SRRM1: variants seen among roughly 807,000 people sequenced by gnomAD.
SRRM1 encodes serine and arginine repetitive matrix 1, also known as serine/arginine repetitive matrix protein 1.
Under a neutral mutation model 110.2 loss-of-function variants are expected in SRRM1, and 19 were observed. The ratio of observed to expected loss-of-function variants is 0.17; its 90% CI spans 0.12 to 0.25. The LOEUF (loss-of-function observed/expected upper bound fraction) is 0.25, where lower values mean the gene tolerates loss of function less well. SRRM1 is among the 10% of genes least tolerant of loss of function. SRRM1 has a pLI of 1.00. For synonymous variants in SRRM1, 443 were observed against 414.9 expected (o/e 1.07, Z -0.82); for missense variants, 918 against 1,145.8 (o/e 0.80, Z 2.87).
intron 12 of SRRM1, among the ~76,000 whole-genome samples, chr1:24,665,299 C>T (rs1387253022): frequency 6.6e-6 from 1 of 151,980 alleles, no homozygotes; most frequent in Non-Finnish European, 1.5e-5. Context: ...CGTGGTGGCG[C>T]ATGCCTGTAG....
Position 24,662,643 on chromosome 1 carries a change from T to A in SRRM1, c.1484-17T>A, listed in dbSNP as rs760597677. The stretch of plus-strand genomic sequence containing the variant: ...GCACAAACCTAATGTAATATTTTTT[T>A]AATTTTGTAATTATAGACTCTGGCT... On this transcript the variant is annotated splice_polypyrimidine_tract_variant and intron_variant, in intron 11 of 16. Coordinates refer to ENST00000323848, the MANE Select transcript of SRRM1 (RefSeq NM_005839.4). 37 of 1,609,542 alleles carry A rather than the reference T, an allele frequency of 2.3e-5. No homozygotes were observed. The highest frequency in any genetic ancestry group is 1.3e-4 in the African/African-American group (10 of 74,540).
chr1:24,669,465 C>T lies in SRRM1; in HGVS notation c.2082C>T (p.Ser694=). ...CACGGCCTCGAGCTCCTCAGACCTC[C>T]TCAAGTCCTCCACCCGTTCGAAGAG... The part of the protein sequence containing the change: ...PSPRPRAPQT[S]SSPPPVRRGA... Residue 694 remains serine (S), a synonymous_variant, in exon 14 of 17, where the codon TCC becomes TCT. Coordinates refer to ENST00000323848, the MANE Select transcript of SRRM1 (RefSeq NM_005839.4). 1.9e-6 allele frequency: 3 copies of T among 1,614,002 alleles called. No homozygotes were observed. Among genetic ancestry groups the T allele is most frequent in the African/African-American group, 2.7e-5 (2 of 75,036 alleles).
chr1:24,658,601 T>A (rs1009737588), intron 9 of SRRM1, among the ~76,000 whole-genome samples: 2 of 152,218 alleles, frequency 1.3e-5, no homozygotes, highest in Non-Finnish European at 2.9e-5. Flanking sequence ...CAAAGCAAGC[T>A]TGGGAACCCA....
intron 1 of SRRM1, 25 bp downstream of exon 1, chr1:24,643,372 G>A: frequency 6.5e-7 from 1 of 1,546,850 alleles, no homozygotes; most frequent in African/African-American, 1.4e-5. Context: ...CGGGCGCCGG[G>A]GTGAGGCCAG....
chr1:24,670,166 C>G lies in SRRM1; in HGVS notation c.2251C>G (p.Arg751Gly), dbSNP rs1432188493. The G allele has an allele frequency of 6.2e-7, 1 of 1,613,326 alleles. No homozygotes were observed. Among genetic ancestry groups the G allele is most frequent in the South Asian group, 1.1e-5 (1 of 91,000 alleles). ...GTCTGTAAGAAGGGTCTCATCCTCC[C>G]GATCTGTCTCCGGGTCTCCTGAGCC... Reference protein sequence around the residue: ...PQSVRRVSSSRSVSGSPEPAA... With the variant: ...PQSVRRVSSSGSVSGSPEPAA... Residue 751 changes from arginine to glycine, a missense_variant, in exon 15 of 17, where the codon CGA becomes GGA. This residue lies in a region of SRRM1 where 357 missense variants were observed against 402.9 expected (regional missense o/e 0.89). Transcript: ENST00000323848.
rs1446138416 is a variant in SRRM1 at position 24,672,982 on chromosome 1, T to G, written c.*696T>G. 3 of 152,200 alleles carry G rather than the reference T, an allele frequency of 2.0e-5. No individual in the cohort carries two copies. The highest frequency in any genetic ancestry group is 2.9e-5 in the Non-Finnish European group (2 of 68,034). The allele number at this position is 152,200 out of a possible 1,614,324, so 9.4% of individuals were successfully genotyped here. A position where few individuals can be genotyped will look rare whatever the true frequency, so the allele number is the denominator to read the frequency against. ...GGTTTTGTTTTTTTTGTTTTGTTTT[T>G]TTTCTTTTGTAAAGGCAATGAGCTA... is the stretch of plus-strand genomic sequence containing the variant. On this transcript the variant is annotated 3_prime_UTR_variant, in exon 17 of 17. Transcript: ENST00000323848.
intron 9 of SRRM1, among the ~76,000 whole-genome samples, chr1:24,657,882 T>G (rs1483223446): frequency 6.6e-6 from 1 of 152,224 alleles, no homozygotes; most frequent in Non-Finnish European, 1.5e-5. Flanking sequence ...ATCTGGACAC[T>G]TAAATGGTTA....
chr1:24,654,101 T>G (rs1317382889), intron 8 of SRRM1, among the ~76,000 whole-genome samples: 1 of 152,232 alleles, frequency 6.6e-6, no homozygotes, highest in Non-Finnish European at 1.5e-5. Flanking sequence ...CACACTTTTC[T>G]AATTCCCTTT....
At chr1:24,652,029 A>AATATATATGTATATATATATAT (rs1661027992) in intron 6 of SRRM1, among the ~76,000 whole-genome samples, 2 of 79,846 alleles carry the variant, frequency 2.5e-5, no homozygotes, top group Non-Finnish European at 5.1e-5. Context: ...CTGTACTAAA[A>AATATATATGTATATATATATAT]ATATATATAT....
intron 16 of SRRM1, 118 bp from the exon 17 acceptor site, chr1:24,672,064 C>T: frequency 1.4e-6 from 1 of 732,310 alleles, no homozygotes; most frequent in Non-Finnish European, 2.3e-6. Context: ...CCTGCTCCCC[C>T]TACCCCACAA....
intron 2 of SRRM1, 127 bp from the exon 3 acceptor site, chr1:24,646,540 A>T (rs1299444893): frequency 8.4e-6 from 6 of 715,392 alleles, no homozygotes; most frequent in South Asian, 2.3e-5. Context: ...AAAAAAAAAA[A>T]TTAGCAGATT....
intron 9 of SRRM1, 119 bp from the exon 10 acceptor site, chr1:24,660,600 T>C: frequency 4.5e-6 from 2 of 441,236 alleles, no homozygotes; most frequent in African/African-American, 2.1e-5. Flanking sequence ...GCCTGACTAA[T>C]ATAGTGAGAC....
intron 16 of SRRM1, 31 bp downstream of exon 16, chr1:24,671,626 G>T: frequency 6.5e-7 from 1 of 1,539,950 alleles, no homozygotes; most frequent in South Asian, 1.2e-5. Context: ...TGGCTGTCTT[G>T]CAGTTTACGT....
At chr1:24,661,664 A>G (rs955476477) in intron 11 of SRRM1, among the ~76,000 whole-genome samples, 3 of 152,222 alleles carry the variant, frequency 2.0e-5, no homozygotes, top group East Asian at 1.9e-4. Flanking sequence ...TCTTTTTCCA[A>G]CCTCCTAAAG....
At chr1:24,650,262 A>G (rs1436947435) in intron 5 of SRRM1, among the ~76,000 whole-genome samples, 176 bp downstream of exon 5, 1 of 152,252 alleles carries the variant, frequency 6.6e-6, no homozygotes, top group East Asian at 1.9e-4. Flanking sequence ...TTTGTTTGAG[A>G]CAGATAATTT....
rs1205625288 is a variant in SRRM1, at chr1:24,662,697, C to T, written c.1521C>T (p.Pro507=). The change falls in exon 12 of 17, where the codon CCC becomes CCT. Residue 507 remains proline (P), a synonymous_variant. Transcript: ENST00000323848. The part of the protein sequence containing the change: ...GSSSSSEDER[P]KRSHVKNGEV... ...CCTCCTCCTCAGAAGATGAACGACCCAAGAGATCCCATGTGAAGAATGGTG... is the reference window on the plus strand; with the variant it reads ...CCTCCTCCTCAGAAGATGAACGACCTAAGAGATCCCATGTGAAGAATGGTG... The T allele has an allele frequency of 6.2e-7, 1 of 1,614,074 alleles. No individual in the cohort carries two copies. The highest frequency in any genetic ancestry group is 1.3e-5 in the African/African-American group (1 of 75,002).
rs780992051 is a variant in SRRM1 at position 24,643,308 on chromosome 1, C to A, written c.-19C>A. The stretch of plus-strand genomic sequence containing the variant: ...GGTGTACCCTGGGATAGGGAGCGAT[C>A]TCCGAGCGAGGCGGCAAGATGGACG... On this transcript the variant is annotated 5_prime_UTR_variant, in exon 1 of 17. Transcript: ENST00000323848. 37 of 1,565,648 alleles carry A rather than the reference C, an allele frequency of 2.4e-5. 1 individual carries two copies. Among genetic ancestry groups the A allele is most frequent in the Middle Eastern group, 1.7e-4 (1 of 5,932 alleles).
Position 24,672,995 on chromosome 1 carries a change from A to G in SRRM1, c.*709A>G, listed in dbSNP as rs951598570. 2.0e-5 allele frequency: 3 copies of G among 152,232 alleles called. No individual in the cohort carries two copies. The highest frequency in any genetic ancestry group is 7.2e-5 in the African/African-American group (3 of 41,534). The allele number at this position is 152,232 out of a possible 1,614,324, so 9.4% of individuals were successfully genotyped here. A position where few individuals can be genotyped will look rare whatever the true frequency, so the allele number is the denominator to read the frequency against. ...TTGTTTTGTTTTTTTTCTTTTGTAA[A>G]GGCAATGAGCTAGTCCCAGAAAGGA... On this transcript the variant is annotated 3_prime_UTR_variant, in exon 17 of 17. Coordinates refer to ENST00000323848, the MANE Select transcript of SRRM1 (RefSeq NM_005839.4).
intron 9 of SRRM1, among the ~76,000 whole-genome samples, chr1:24,659,626 A>AT (rs1346096993): frequency 1.3e-5 from 2 of 152,216 alleles, no homozygotes; most frequent in Non-Finnish European, 2.9e-5. Flanking sequence ...CTAAAAATAG[A>AT]TTCTTGGATT....
Sources: gnomAD v4.1 joint callset for allele counts (sites outside exome capture counted in the v4.1 genomes callset) on GRCh38, gnomAD v4.1.1 for gene constraint, gnomAD v4.1.1 regional missense constraint, MANE v1.5 for transcripts, NCBI Gene and HGNC (gene_info 2026-07-23, HGNC 2026-07-21) for gene names.